GBP2: variants seen among roughly 807,000 people sequenced by gnomAD.
The protein encoded by GBP2 is guanylate-binding protein 2.
A neutral mutation model predicts 60.8 loss-of-function variants in GBP2; 54 were observed. The observed-to-expected ratio is 0.89, with a 90% CI of 0.71 to 1.11. The LOEUF (loss-of-function observed/expected upper bound fraction) is 1.11, where lower values mean the gene tolerates loss of function less well. GBP2 is among the 50% of genes most tolerant of loss of function. The pLI is 0.00. For synonymous variants in GBP2, 243 were observed against 256.5 expected (o/e 0.95, Z 0.50); for missense variants, 665 against 703.3 (o/e 0.95, Z 0.62).
chr1:89,116,392 C>T (rs1415359727), intron 6 of GBP2, among the ~76,000 whole-genome samples: 4 of 152,148 alleles, frequency 2.6e-5, no homozygotes, highest in African/African-American at 9.7e-5. Context: ...ATTATATCTC[C>T]CTGCCTCTCC....
chr1:89,110,565 C>G (rs887028846), intron 8 of GBP2, among the ~76,000 whole-genome samples: 1 of 152,156 alleles, frequency 6.6e-6, no homozygotes, highest in Non-Finnish European at 1.5e-5. Flanking sequence ...GCATCCATAG[C>G]AACCTGGATG....
In GBP2 at chr1:89,112,635, G is replaced by A. The variant is rs770692588; in HGVS notation, c.1199C>T (p.Ala400Val). The A allele has an allele frequency of 1.9e-6, 3 of 1,614,066 alleles. No homozygotes were observed. The highest frequency in any genetic ancestry group is 1.3e-5 in the African/African-American group (1 of 74,918). The stretch of plus-strand genomic sequence containing the variant: ...TAAAGCCATGCAACAATCTGATGAT[G>A]CTTTGGAATTCTGCTTACAAAAGTC... ...RDDFCKQNSK[A>V]SSDCCMALLQ... Residue 400 changes from alanine (A) to valine (V), a missense_variant, in exon 8 of 11, where the codon GCA (alanine) becomes GTA (valine). Transcript: ENST00000370466.
chr1:89,117,381 A>G (rs1681299656), intron 5 of GBP2, 147 bp from the exon 6 acceptor site: 3 of 907,420 alleles, frequency 3.3e-6, no homozygotes, highest in Non-Finnish European at 3.3e-6. Context: ...GAGAAAGGAA[A>G]GTCTCCAAGA....
At chr1:89,124,054 G>A (rs557380854) in intron 1 of GBP2, among the ~76,000 whole-genome samples, 2 of 152,280 alleles carry the variant, frequency 1.3e-5, no homozygotes, top group Admixed American at 1.3e-4. Flanking sequence ...TCAGTTCGTA[G>A]GAAGATTTCT....
chr1:89,108,349 T>A, intron 10 of GBP2, 58 bp from the exon 11 acceptor site: 1 of 1,045,236 alleles, frequency 9.6e-7, no homozygotes, highest in Non-Finnish European at 1.5e-6. Context: ...ACCAGATTAG[T>A]TCCCCTTTTG....
At chr1:89,109,390 G>A (rs1216397649) in intron 10 of GBP2, among the ~76,000 whole-genome samples, 1 of 152,198 alleles carries the variant, frequency 6.6e-6, no homozygotes, top group East Asian at 1.9e-4. Context: ...GAAACTAATA[G>A]TTCCTCTACC....
At chr1:89,113,854 C>CT (rs1039268797) in intron 7 of GBP2, among the ~76,000 whole-genome samples, 162 bp downstream of exon 7, 1 of 152,022 alleles carries the variant, frequency 6.6e-6, no homozygotes, top group Non-Finnish European at 1.5e-5. Context: ...AATTAGGTGT[C>CT]TTTTTTTAAA....
rs545968783 is a variant in GBP2 at position 89,107,708 on chromosome 1, T to C, written c.*467A>G. Among the ~76,000 whole-genome samples the C allele has an allele frequency of 3.7e-4, 56 of 152,214 alleles. No homozygotes were observed. Among genetic ancestry groups the C allele is most frequent in the Non-Finnish European group, 6.5e-4 (44 of 68,040 alleles). ...GTGATGCTCTACTGTGCCCCATGGT[T>C]TGTTTGGTCTCATCACATTTTCATC... On this transcript the variant is annotated 3_prime_UTR_variant, in exon 11 of 11. Coordinates refer to ENST00000370466, the MANE Select transcript of GBP2 (RefSeq NM_004120.5).
Position 89,106,764 on chromosome 1 carries a change from C to T in GBP2, c.*1411G>A, listed in dbSNP as rs1681061527. On this transcript the variant is annotated 3_prime_UTR_variant, in exon 11 of 11. Transcript: ENST00000370466. ...GGGTAGGCATATGATTTAGATTCTT[C>T]CCTGCAGATTGACTTTTGTGAGGCT... is the stretch of plus-strand genomic sequence containing the variant. The T allele has an allele frequency of 6.6e-6, 1 of 152,164 alleles. No homozygotes were observed. The highest frequency in any genetic ancestry group is 2.1e-4 in the South Asian group (1 of 4,832). 9.4% of individuals were successfully genotyped at this position (152,164 alleles called of 1,614,324 possible).
intron 4 of GBP2, chr1:89,118,817 C>T (rs1284886533): frequency 2.6e-5 from 4 of 152,148 alleles, no homozygotes; most frequent in African/African-American, 9.7e-5. Flanking sequence ...GATCTGAGCA[C>T]TTCTATGAAT....
Position 89,117,762 on chromosome 1 carries a change from T to G in GBP2, c.440A>C (p.Glu147Ala), listed in dbSNP as rs1427951804. 1 of 1,609,574 alleles carries G rather than the reference T, an allele frequency of 6.2e-7. No individual in the cohort carries two copies. ...QAMDQLHYVT[E>A]LTDRIKANSS... ...GTTTGCCTTGATTCGATCTGTCAGC[T>G]CTGTCACATAGCTGAGATGCTAAAT... The change falls in exon 5 of 11, where the codon GAG becomes GCG. Residue 147 changes from glutamate to alanine, a missense_variant. Glu to Ala is a moderately radical substitution (Grantham distance 107). Transcript: ENST00000370466.
rs1322016420 is a variant in GBP2, at chr1:89,117,425, A to G, written c.625+152T>C. The G allele has an allele frequency of 2.6e-5, 23 of 873,334 alleles. 1 individual carries two copies. In the Admixed American group the frequency reaches 6.4e-4, roughly 24 times the overall value. 54.1% of individuals were successfully genotyped at this position (873,334 alleles called of 1,614,324 possible). A position where few individuals can be genotyped will look rare whatever the true frequency, so the allele number is the denominator to read the frequency against. ...GTAATGCAATTTAAAATTGGTTCCA[A>G]CTGATATAGTCAAGCAATGTTTCCA... On this transcript the variant is annotated intron_variant, in intron 5 of 10. Coordinates refer to ENST00000370466, the MANE Select transcript of GBP2 (RefSeq NM_004120.5).
In GBP2 at chr1:89,109,703, C is replaced by A; in HGVS notation, c.1633G>T (p.Glu545Ter). 1 of 1,614,010 alleles carries A rather than the reference C, an allele frequency of 6.2e-7. No individual in the cohort carries two copies. Among genetic ancestry groups the A allele is most frequent in the Admixed American group, 1.7e-5 (1 of 60,006 alleles). ...TGAAGTTTAAGAGCGAGGGTCTTCT[C>A]TTGCTCTGCCATTAACTGGGCCCTG... Reference protein sequence around the residue: ...RDRAQLMAEQEKTLALKLQEQ... With the variant: ...RDRAQLMAEQ Residue 545 changes from glutamate (E) to a stop codon, truncating the protein, a stop_gained, in exon 10 of 11, where the codon GAG (glutamate) becomes TAG (stop). Coordinates refer to ENST00000370466, the MANE Select transcript of GBP2 (RefSeq NM_004120.5). LOFTEE classifies it low-confidence loss of function (END_TRUNC).
intron 1 of GBP2, among the ~76,000 whole-genome samples, chr1:89,124,631 G>A (rs1570326443): frequency 6.6e-6 from 1 of 152,174 alleles, no homozygotes; most frequent in Non-Finnish European, 1.5e-5. Flanking sequence ...GACAGGGTCT[G>A]GTCAGACTGT....
At chr1:89,116,540 TC>T (rs1681276996) in intron 6 of GBP2, among the ~76,000 whole-genome samples, 1 of 152,184 alleles carries the variant, frequency 6.6e-6, no homozygotes. Flanking sequence ...AAGTCACATT[TC>T]TTTTATCCAT....
At chr1:89,121,755 G>A (rs764115863) in intron 2 of GBP2, 22 bp downstream of exon 2, 49 of 1,611,318 alleles carry the variant, frequency 3.0e-5, no homozygotes, top group Admixed American at 1.7e-5. Context: ...AAGGGGCTTA[G>A]AGCTTTGCTG....
chr1:89,116,132 C>A (rs1681266878), intron 6 of GBP2, among the ~76,000 whole-genome samples: 4 of 152,040 alleles, frequency 2.6e-5, no homozygotes. Flanking sequence ...TCAGACTCAG[C>A]CAGCTGAGTA....
chr1:89,114,748 T>G (rs1370714677), intron 6 of GBP2, among the ~76,000 whole-genome samples: 1 of 152,234 alleles, frequency 6.6e-6, no homozygotes, highest in Non-Finnish European at 1.5e-5. Context: ...ACAGATAGGA[T>G]AATCAACTCA....
intron 6 of GBP2, 99 bp downstream of exon 6, chr1:89,116,893 T>C (rs1375803047): frequency 5.2e-6 from 6 of 1,164,782 alleles, no homozygotes; most frequent in African/African-American, 1.5e-5. Flanking sequence ...CAATAGACTA[T>C]GCATTTGTCA....
Sources: gnomAD v4.1 joint callset for allele counts (sites outside exome capture counted in the v4.1 genomes callset) on GRCh38, gnomAD v4.1.1 for gene constraint, MANE v1.5 for transcripts, NCBI Gene and HGNC (gene_info 2026-07-23, HGNC 2026-07-21) for gene names.